The following ARMC2 variants were observed in gnomAD, a reference collection of about 807,000 sequenced individuals.
ARMC2 encodes the protein armadillo repeat containing 2, also known as armadillo repeat-containing protein 2.
In ARMC2, 67 loss-of-function variants were observed where a neutral mutation model predicts 90.3. That is an observed-to-expected ratio of 0.74 (90% CI 0.61 to 0.91). ARMC2 has a LOEUF of 0.91. Ranked by LOEUF, ARMC2 falls within the 40% of genes least tolerant of loss-of-function variation. ARMC2 has a pLI of 0.00. For missense variants in ARMC2, 920 were observed against 1,030.9 expected, an observed-to-expected ratio of 0.89 and a Z score of 1.47; for synonymous variants, 393 against 393.0, an observed-to-expected ratio of 1.00 and a Z score of 0.00.
Position 108,899,705 on chromosome 6 carries a change from G to A in ARMC2, c.760G>A (p.Asp254Asn). Reference sequence around the variant, plus strand: ...GATTTCTTTTGCAGTCCCAAAAGCTGACCTGCAAGAAGAGGACGCAGAAAT... The same window carrying A: ...GATTTCTTTTGCAGTCCCAAAAGCTAACCTGCAAGAAGAGGACGCAGAAAT... ...RLQTKAVPKADLQEEDAEIEV... is the reference protein window; with the variant it reads ...RLQTKAVPKANLQEEDAEIEV... Residue 254 changes from aspartate to asparagine, a missense_variant, in exon 7 of 18, where the codon GAC becomes AAC. Coordinates refer to ENST00000392644, the MANE Select transcript of ARMC2 (RefSeq NM_032131.6). 6.2e-7 allele frequency: 1 copy of A among 1,613,392 alleles called. No individual in the cohort carries two copies. Among genetic ancestry groups the A allele is most frequent in the Non-Finnish European group, 8.5e-7 (1 of 1,179,676 alleles).
the ARMC2 span, among the ~76,000 whole-genome samples, chr6:109,030,888 A>C: frequency 6.6e-6 from 1 of 152,248 alleles, no homozygotes; most frequent in Admixed American, 6.5e-5. Context: ...AGTCAAATGC[A>C]GGTCTGCTCT....
chr6:108,937,115 T>A, intron 12 of ARMC2, 116 bp downstream of exon 12: 1 of 896,480 alleles, frequency 1.1e-6, no homozygotes, highest in Non-Finnish European at 1.7e-6. Context: ...AAACTTCCAT[T>A]AAATGTATAA....
At chr6:108,966,459 G>A (rs1442915138) in intron 17 of ARMC2, among the ~76,000 whole-genome samples, 3 of 152,138 alleles carry the variant, frequency 2.0e-5, no homozygotes, top group Admixed American at 1.3e-4. Flanking sequence ...GGTGGCTGAC[G>A]TGCTCTGGAA....
At chr6:108,855,925 A>G (rs1774544149) in intron 2 of ARMC2, among the ~76,000 whole-genome samples, 1 of 151,538 alleles carries the variant, frequency 6.6e-6, no homozygotes, top group Non-Finnish European at 1.5e-5. Flanking sequence ...TTGAATTTTA[A>G]GAATTATTTA....
chr6:108,928,032 G>T lies in ARMC2; in HGVS notation c.1351-56G>T, dbSNP rs1186234284. The T allele has an allele frequency of 1.7e-5, 25 of 1,512,342 alleles. No homozygotes were observed. The South Asian group carries it at 2.3e-4, about 14-fold the overall frequency. The allele number at this position is 1,512,342 out of a possible 1,614,324, so 93.7% of individuals were successfully genotyped here. ...GAAATGAATTGTACTATGCTGTTTCGTGTGGTTATATTTTTTCAGTTCAAA... is the reference window on the plus strand; with the variant it reads ...GAAATGAATTGTACTATGCTGTTTCTTGTGGTTATATTTTTTCAGTTCAAA... On this transcript the variant is annotated intron_variant, in intron 10 of 17. Transcript: ENST00000392644.
chr6:109,033,176 G>A, the ARMC2 span, among the ~76,000 whole-genome samples: 1 of 152,156 alleles, frequency 6.6e-6, no homozygotes, highest in Non-Finnish European at 1.5e-5. Context: ...GATAGTCTGA[G>A]TTGTAGGGAG....
Position 108,894,527 on chromosome 6 carries a change from G to A in ARMC2, c.732G>A (p.Arg244=). 6.2e-7 allele frequency: 1 copy of A among 1,608,038 alleles called. No homozygotes were observed. Among genetic ancestry groups the A allele is most frequent in the African/African-American group, 1.3e-5 (1 of 74,410 alleles). ...GCCCCAGTAGCTCAGACCTGAGCAG[G>A]CTGCAAACCAAAGCAGGTGAGGGGT... The part of the protein sequence containing the change: ...SSCPSSSDLS[R]LQTKAVPKAD... The change falls in exon 6 of 18, where the codon AGG becomes AGA. Residue 244 remains arginine, a synonymous_variant. Transcript: ENST00000392644.
At chr6:108,851,827 G>T (rs927096155) in intron 1 of ARMC2, among the ~76,000 whole-genome samples, 1 of 152,116 alleles carries the variant, frequency 6.6e-6, no homozygotes, top group Non-Finnish European at 1.5e-5. Flanking sequence ...TTGTTGTGGG[G>T]TTAATTGAGA....
intron 13 of ARMC2, among the ~76,000 whole-genome samples, chr6:108,960,463 A>C (rs1777912350): frequency 6.6e-6 from 1 of 152,204 alleles, no homozygotes; most frequent in African/African-American, 2.4e-5. Flanking sequence ...CTAGAGGATC[A>C]ATTATTCTTG....
chr6:108,853,761 C>T lies in ARMC2; in HGVS notation c.-43-464C>T, dbSNP rs191542617. ...AGTTATATCATGGACAAATGTGGGG[C>T]TGAACTATTCTCTGAGGTTTGTTGC... On this transcript the variant is annotated intron_variant, in intron 1 of 17. Coordinates refer to ENST00000392644, the MANE Select transcript of ARMC2 (RefSeq NM_032131.6). Among the ~76,000 whole-genome samples the T allele has an allele frequency of 2.0e-5, 3 of 152,226 alleles. No individual in the cohort carries two copies. In the East Asian group the frequency reaches 5.8e-4, roughly 29 times the overall value.
chr6:108,857,998 A>G (rs1331270132), intron 2 of ARMC2, among the ~76,000 whole-genome samples: 1 of 152,172 alleles, frequency 6.6e-6, no homozygotes, highest in African/African-American at 2.4e-5. Context: ...TTCATTATTC[A>G]GTATTTTTTA....
intron 2 of ARMC2, among the ~76,000 whole-genome samples, chr6:108,855,719 A>G (rs979185008): frequency 6.6e-6 from 1 of 152,242 alleles, no homozygotes; most frequent in Non-Finnish European, 1.5e-5. Context: ...CATCCTAGCC[A>G]GCATTGACAT....
the ARMC2 span, chr6:109,009,553 G>A: frequency 1.0e-6 from 1 of 986,520 alleles, no homozygotes; most frequent in Non-Finnish European, 1.2e-6. Context: ...CAGCACGGAC[G>A]GCGGGGGGGC....
At chr6:108,971,299 C>G (rs1778749652) in intron 17 of ARMC2, among the ~76,000 whole-genome samples, 1 of 152,188 alleles carries the variant, frequency 6.6e-6, no homozygotes, top group Non-Finnish European at 1.5e-5. Flanking sequence ...GAACGCACCA[C>G]ATATCACCTG....
intron 5 of ARMC2, among the ~76,000 whole-genome samples, chr6:108,881,353 A>T (rs1316621701): frequency 1.8e-5 from 1 of 54,972 alleles, no homozygotes; most frequent in Non-Finnish European, 3.5e-5. Context: ...GGGACGGTTT[A>T]TGGTACTTTA....
chr6:108,923,087 G>A (rs929653911), intron 10 of ARMC2: 17 of 152,078 alleles, frequency 1.1e-4, no homozygotes, highest in Admixed American at 1.0e-3. Context: ...TTAAGAGATG[G>A]GGGAAAAGAT....
At chr6:108,945,504 T>C (rs988949295) in intron 12 of ARMC2, among the ~76,000 whole-genome samples, 3 of 152,226 alleles carry the variant, frequency 2.0e-5, no homozygotes, top group Non-Finnish European at 4.4e-5. Context: ...ACGGTTAATT[T>C]CTTGTTTCTT....
chr6:108,911,151 C>T (rs879344190), intron 9 of ARMC2, 150 bp downstream of exon 9: 1 of 591,992 alleles, frequency 1.7e-6, no homozygotes, highest in African/African-American at 2.0e-5. Context: ...TTACTTCATC[C>T]TTCTCTGTTT....
At chr6:108,885,038 C>G (rs1222709181) in intron 5 of ARMC2, among the ~76,000 whole-genome samples, 1 of 152,160 alleles carries the variant, frequency 6.6e-6, no homozygotes, top group Non-Finnish European at 1.5e-5. Flanking sequence ...TTTTCACATG[C>G]AGTACCTTGA....
Sources: allele counts gnomAD v4.1 joint callset (sites outside exome capture counted in the v4.1 genomes callset), GRCh38; gene constraint gnomAD v4.1.1; transcripts MANE v1.5; gene names NCBI Gene and HGNC (gene_info 2026-07-23, HGNC 2026-07-21).